Variants in DAB1 observed in about 807,000 individuals in gnomAD.
DAB1 encodes the protein DAB adaptor protein 1.
Under a neutral mutation model 64.6 loss-of-function variants are expected in DAB1, and 15 were observed. The observed-to-expected ratio is 0.23, with a 90% CI of 0.16 to 0.36. The LOEUF (loss-of-function observed/expected upper bound fraction) is 0.36, where lower values mean the gene tolerates loss of function less well. Ranked by LOEUF, DAB1 falls within the 10% of genes least tolerant of loss-of-function variation. DAB1 has a pLI of 1.00. For synonymous variants in DAB1, 235 were observed against 251.9 expected, an observed-to-expected ratio of 0.93 and a Z score of 0.64; for missense variants, 596 against 706.7, an observed-to-expected ratio of 0.84 and a Z score of 1.78.
intron 7 of DAB1, among the ~76,000 whole-genome samples, chr1:57,575,391 A>G (rs1435950098): frequency 6.6e-6 from 1 of 152,194 alleles, no homozygotes; most frequent in East Asian, 1.9e-4. Context: ...AAGCCCTGCG[A>G]TGTGGGCTAG....
intron 6 of DAB1, among the ~76,000 whole-genome samples, chr1:57,740,293 C>T (rs937779268): frequency 2.0e-5 from 3 of 152,114 alleles, no homozygotes; most frequent in African/African-American, 4.8e-5. Context: ...CCACATAACA[C>T]TTTTGGAAAT....
intron 1 of DAB1, among the ~76,000 whole-genome samples, chr1:57,879,072 G>A (rs1396691609): frequency 6.6e-6 from 1 of 152,034 alleles, no homozygotes; most frequent in African/African-American, 2.4e-5. Flanking sequence ...CCATTCATCT[G>A]TTGATGAACA....
At chr1:57,259,600 G>A (rs936617492) in intron 2 of DAB1, among the ~76,000 whole-genome samples, 2 of 152,166 alleles carry the variant, frequency 1.3e-5, no homozygotes, top group African/African-American at 4.8e-5. Flanking sequence ...GCCGAGGCAA[G>A]GCAGAGCAAC....
intron 1 of DAB1, among the ~76,000 whole-genome samples, chr1:57,872,823 G>GGGTTTGGAAAA (rs2101959237): frequency 6.6e-6 from 1 of 152,298 alleles, no homozygotes; most frequent in African/African-American, 2.4e-5. Context: ...TGTTTGGAAA[G>GGGTTTGGAAAA]GGTTTGGAAA....
At chr1:57,970,720 A>G (rs1645776926) in intron 5 of DAB1, among the ~76,000 whole-genome samples, 1 of 152,142 alleles carries the variant, frequency 6.6e-6, no homozygotes, top group African/African-American at 2.4e-5. Flanking sequence ...GTTGTAGTAA[A>G]CAAAGCTCTT....
In DAB1 at chr1:57,092,854, T is replaced by C. The variant is rs568022268; in HGVS notation, c.307-20440A>G. On this transcript the variant is annotated intron_variant, in intron 4 of 14. Transcript: ENST00000371236. ...CACATTTAAAAGCTATAAAACTTAGTTTCTTATCCTTAAAGAATAAAAATA... is the reference window on the plus strand; with the variant it reads ...CACATTTAAAAGCTATAAAACTTAGCTTCTTATCCTTAAAGAATAAAAATA... Among the ~76,000 whole-genome samples the C allele has an allele frequency of 2.0e-5, 3 of 152,262 alleles. No individual in the cohort carries two copies. In the East Asian group the frequency reaches 5.8e-4, roughly 29 times the overall value.
intron 6 of DAB1, among the ~76,000 whole-genome samples, chr1:57,666,280 G>A (rs1312302269): frequency 6.6e-6 from 1 of 152,120 alleles, no homozygotes; most frequent in Non-Finnish European, 1.5e-5. Context: ...TGACCATAAT[G>A]AACAGAAAAG....
At chr1:57,849,387 G>C (rs190187876) in intron 1 of DAB1, among the ~76,000 whole-genome samples, 1 of 152,172 alleles carries the variant, frequency 6.6e-6, no homozygotes, top group East Asian at 1.9e-4. Context: ...TCAAGACCCT[G>C]GTAAATGAAA....
intron 7 of DAB1, among the ~76,000 whole-genome samples, chr1:57,518,596 TC>T (rs1644489589): frequency 6.6e-6 from 1 of 152,174 alleles, no homozygotes; most frequent in South Asian, 2.1e-4. Context: ...CTTTTAAGCC[TC>T]ACAGCTTGTC....
intron 5 of DAB1, among the ~76,000 whole-genome samples, chr1:57,917,954 G>A (rs1202362093): frequency 1.3e-5 from 2 of 151,988 alleles, no homozygotes; most frequent in African/African-American, 2.4e-5. Context: ...TGTAATCCCA[G>A]CTACATGGGA....
intron 7 of DAB1, among the ~76,000 whole-genome samples, chr1:57,482,488 A>C (rs1202528492): frequency 6.6e-6 from 1 of 150,530 alleles, no homozygotes; most frequent in Non-Finnish European, 1.5e-5. Context: ...AAAAAAAAAA[A>C]AAAAAAAAAA....
At chr1:58,506,075 A>G in exon 3 of DAB1, 2 of 871,420 alleles carry the variant, frequency 2.3e-6, no homozygotes, top group East Asian at 2.4e-5. Context: ...GTATAAGTCT[A>G]TCCAAGTACT....
intron 2 of DAB1, among the ~76,000 whole-genome samples, chr1:57,246,274 C>G (rs763111544): frequency 6.6e-6 from 1 of 151,890 alleles, no homozygotes; most frequent in Non-Finnish European, 1.5e-5. Context: ...CTGCCCCCTG[C>G]TCTGTGCAGC....
At chr1:57,973,366 C>T (rs554000176) in intron 5 of DAB1, among the ~76,000 whole-genome samples, 1 of 152,284 alleles carries the variant, frequency 6.6e-6, no homozygotes, top group East Asian at 1.9e-4. Flanking sequence ...TGATTTGATA[C>T]TTCTAGCCTC....
upstream of DAB1, among the ~76,000 whole-genome samples, chr1:57,428,116 T>C (rs12738389): frequency 0.42 from 63,286 of 151,708 alleles, 14,419 homozygotes; most frequent in African/African-American, 0.61. Flanking sequence ...TGCAGTGAGC[T>C]GAGATCGCAC....
In DAB1 at chr1:57,222,147, C is replaced by G. The variant is rs369555119; in HGVS notation, c.67+68817G>C. On this transcript the variant is annotated intron_variant, in intron 2 of 14. Transcript: ENST00000371236. The stretch of plus-strand genomic sequence containing the variant: ...TTTTCTAGCAGAAGAAACAAAGGGT[C>G]GAGAGGTAAAGAAACTTGCTTGAGG... Among the ~76,000 whole-genome samples, 60 of 152,008 alleles carry G rather than the reference C, an allele frequency of 3.9e-4. 2 individuals carry two copies. The East Asian group carries it at 5.8e-3, about 15-fold the overall frequency.
intron 3 of DAB1, among the ~76,000 whole-genome samples, chr1:58,383,433 T>C (rs536496634): frequency 1.3e-5 from 2 of 152,302 alleles, no homozygotes; most frequent in African/African-American, 4.8e-5. Flanking sequence ...TCTTAGGCCC[T>C]GTAGAAGCCA....
chr1:58,028,492 G>A (rs1646926626), intron 5 of DAB1, among the ~76,000 whole-genome samples: 1 of 152,118 alleles, frequency 6.6e-6, no homozygotes, highest in South Asian at 2.1e-4. Context: ...TCAGTACTAT[G>A]TCTAGCGGCC....
chr1:57,876,021 G>A lies in DAB1; in HGVS notation n.87+7978C>T, dbSNP rs1028826607. Among the ~76,000 whole-genome samples, 4 of 152,244 alleles carry A rather than the reference G, an allele frequency of 2.6e-5. No individual in the cohort carries two copies. In the East Asian group the frequency reaches 7.8e-4, roughly 30 times the overall value. Reference sequence around the variant, plus strand: ...GGGCATCCAGCATAATCAGCAACAGGCTTCTTGGCAGCATAAATCAGTGAC... The same window carrying A: ...GGGCATCCAGCATAATCAGCAACAGACTTCTTGGCAGCATAAATCAGTGAC... On this transcript the variant is annotated intron_variant and non_coding_transcript_variant, in intron 1 of 1. Transcript: ENST00000477280.
Sources: gnomAD v4.1 joint callset for allele counts (sites outside exome capture counted in the v4.1 genomes callset) on GRCh38, gnomAD v4.1.1 for gene constraint, MANE v1.5 for transcripts, NCBI Gene and HGNC (gene_info 2026-07-23, HGNC 2026-07-21) for gene names.